Variants in XKR4 observed in about 807,000 individuals in gnomAD.
XKR4 encodes the protein XK-related protein 4.
XKR4 carries 12 observed loss-of-function variants against 53.9 expected under a neutral mutation model. The ratio of observed to expected loss-of-function variants is 0.22; its 90% CI spans 0.14 to 0.36. The LOEUF is 0.36. Among genes scored for constraint, XKR4 ranks in the 10% least tolerant of loss-of-function variants. The probability of loss-of-function intolerance (pLI) is 1.00; values close to 1 mark genes in which losing one functional copy is unlikely to be tolerated. For synonymous variants in XKR4, 354 were observed against 362.4 expected (o/e 0.98, Z 0.26); for missense variants, 799 against 859.5 (o/e 0.93, Z 0.88).
At chr8:55,419,936 G>A (rs754989890) in intron 2 of XKR4, among the ~76,000 whole-genome samples, 10 of 152,114 alleles carry the variant, frequency 6.6e-5, no homozygotes, top group Non-Finnish European at 1.3e-4. Context: ...GATGACAGCT[G>A]GTAACACAAT....
At chr8:55,449,565 C>G in intron 2 of XKR4, 2 of 1,472,922 alleles carry the variant, frequency 1.4e-6, no homozygotes, top group East Asian at 4.5e-5. Flanking sequence ...GCTGAGGGCA[C>G]GTCCTGGGCA....
chr8:55,166,633 G>GAAAAAATAA (rs1817069164), intron 1 of XKR4, among the ~76,000 whole-genome samples: 1 of 152,218 alleles, frequency 6.6e-6, no homozygotes, highest in Non-Finnish European at 1.5e-5. Context: ...GTGGCATGAG[G>GAAAAAATAA]AGTTTTGGGT....
intron 2 of XKR4, among the ~76,000 whole-genome samples, chr8:55,477,862 A>T (rs550502190): frequency 2.6e-5 from 4 of 152,276 alleles, no homozygotes; most frequent in Admixed American, 2.6e-4. Flanking sequence ...AGAAAAAAGA[A>T]TACAAAGAAA....
At chr8:55,313,418 G>A (rs1438027529) in intron 1 of XKR4, among the ~76,000 whole-genome samples, 1 of 152,198 alleles carries the variant, frequency 6.6e-6, no homozygotes, top group Non-Finnish European at 1.5e-5. Context: ...TGGTGCTAGG[G>A]CTTTGGAGGC....
At position 55,327,207 on chromosome 8, in the gene XKR4, T is replaced by A. The variant is rs140644758; in HGVS notation, c.807-30471T>A. On this transcript the variant is annotated intron_variant, in intron 1 of 2. Transcript: ENST00000327381. ...CATAATCATTGTAAACAATTTATAA[T>A]CATTAACATTACCTCACAATTTGGT... Among the ~76,000 whole-genome samples the A allele has an allele frequency of 2.0e-5, 3 of 152,312 alleles. No individual in the cohort carries two copies. In the East Asian group the frequency reaches 5.8e-4, roughly 29 times the overall value.
In XKR4 at chr8:55,102,347, G is replaced by A; in HGVS notation, c.-142G>A. 9.1e-7 allele frequency: 1 copy of A among 1,103,294 alleles called. No individual in the cohort carries two copies. Among genetic ancestry groups the A allele is most frequent in the Non-Finnish European group, 1.1e-6 (1 of 892,782 alleles). 68.3% of individuals were successfully genotyped at this position (1,103,294 alleles called of 1,614,324 possible). ...GGGCGGCGGGCGGCGGCGGACGGCA[G>A]GCGAGCCGACGCAGGAGCAGGAGGA... On this transcript the variant is annotated 5_prime_UTR_variant, in exon 1 of 3. Coordinates refer to ENST00000327381, the MANE Select transcript of XKR4 (RefSeq NM_052898.2). This position sits in a 1 kb window ranked among gnomAD's most constrained non-coding sequence, Gnocchi z 5.1.
intron 1 of XKR4, among the ~76,000 whole-genome samples, chr8:55,278,186 A>G (rs1001940156): frequency 1.3e-5 from 2 of 152,102 alleles, no homozygotes; most frequent in African/African-American, 4.8e-5. Context: ...AATCGAAAAA[A>G]ATTAGCCAGG....
chr8:55,326,326 C>G (rs1043779959), intron 1 of XKR4, among the ~76,000 whole-genome samples: 2 of 152,144 alleles, frequency 1.3e-5, no homozygotes, highest in Non-Finnish European at 2.9e-5. Context: ...TCACAATAAC[C>G]AGGCATGATC....
intron 1 of XKR4, among the ~76,000 whole-genome samples, chr8:55,235,432 T>C (rs1818105690): frequency 6.6e-6 from 1 of 152,210 alleles, no homozygotes; most frequent in Admixed American, 6.5e-5. Flanking sequence ...AATATCTGCC[T>C]CGTAGGTTGT....
chr8:55,240,233 A>C (rs1818190801), intron 1 of XKR4, among the ~76,000 whole-genome samples: 2 of 152,204 alleles, frequency 1.3e-5, no homozygotes, highest in Admixed American at 1.3e-4. Context: ...AAATGCCCCA[A>C]ATAGTAAAAG....
chr8:55,385,198 C>T (rs1204834538), intron 2 of XKR4, among the ~76,000 whole-genome samples: 1 of 152,174 alleles, frequency 6.6e-6, no homozygotes, highest in Non-Finnish European at 1.5e-5. Flanking sequence ...CTATTCCTCT[C>T]AGGCCCTGCC....
intron 2 of XKR4, among the ~76,000 whole-genome samples, chr8:55,385,695 G>A (rs1392649664): frequency 1.3e-5 from 2 of 152,098 alleles, no homozygotes; most frequent in African/African-American, 2.4e-5. Context: ...TGTACATTTT[G>A]GTATATTTGT....
chr8:55,118,876 C>A (rs1468706125), intron 1 of XKR4, among the ~76,000 whole-genome samples: 1 of 151,974 alleles, frequency 6.6e-6, no homozygotes, highest in African/African-American at 2.4e-5. Flanking sequence ...AAGTTCATGG[C>A]ACAAAAATTT....
At position 55,305,629 on chromosome 8, in the gene XKR4, G is replaced by A. The variant is rs561190443; in HGVS notation, c.807-52049G>A. On this transcript the variant is annotated intron_variant, in intron 1 of 2. Transcript: ENST00000327381. Reference sequence around the variant, plus strand: ...TATTAATACTTCACAATGGCAATGAGGATTAAATTTGACATATTTTATAAA... The same window carrying A: ...TATTAATACTTCACAATGGCAATGAAGATTAAATTTGACATATTTTATAAA... 2.9e-4 allele frequency among the ~76,000 whole-genome samples: 44 copies of A among 152,180 alleles called. No individual in the cohort carries two copies. The East Asian group carries it at 8.3e-3, about 29-fold the overall frequency.
At chr8:55,420,201 A>C (rs1393855081) in intron 2 of XKR4, among the ~76,000 whole-genome samples, 2 of 152,208 alleles carry the variant, frequency 1.3e-5, no homozygotes, top group Non-Finnish European at 2.9e-5. Context: ...CCCCAGTGAA[A>C]AGATTGTGCA....
At chr8:55,434,881 C>T (rs1421692075) in intron 2 of XKR4, among the ~76,000 whole-genome samples, 1 of 152,236 alleles carries the variant, frequency 6.6e-6, no homozygotes, top group Non-Finnish European at 1.5e-5. Context: ...GCACACATGG[C>T]CAGCTCTCCC....
In XKR4 at chr8:55,286,210, A is replaced by G. The variant is rs561081240; in HGVS notation, c.807-71468A>G. 9.2e-5 allele frequency among the ~76,000 whole-genome samples: 14 copies of G among 152,320 alleles called. No homozygotes were observed. In the East Asian group the frequency reaches 2.7e-3, roughly 29 times the overall value. On this transcript the variant is annotated intron_variant, in intron 1 of 2. Coordinates refer to ENST00000327381, the MANE Select transcript of XKR4 (RefSeq NM_052898.2). ...AGTGGCTCTGAAAATACAGAGAAAA[A>G]GAATGGAGATCTTCTCAGACATAAT...
intron 1 of XKR4, among the ~76,000 whole-genome samples, chr8:55,260,310 G>C (rs1316081104): frequency 1.3e-5 from 2 of 152,216 alleles, no homozygotes; most frequent in African/African-American, 4.8e-5. Flanking sequence ...TTTCATTTCT[G>C]TTCCATCACC....
intron 2 of XKR4, chr8:55,450,859 G>C (rs1805428452): frequency 4.2e-6 from 2 of 475,594 alleles, no homozygotes; most frequent in Non-Finnish European, 8.0e-6. Flanking sequence ...GGAGGAACTT[G>C]AGTCCAGGAG....
Sources: gnomAD v4.1 joint callset for allele counts (sites outside exome capture counted in the v4.1 genomes callset) on GRCh38, gnomAD v4.1.1 for gene constraint, Gnocchi (gnomAD v3.1) non-coding constraint, MANE v1.5 for transcripts, NCBI Gene and HGNC (gene_info 2026-07-23, HGNC 2026-07-21) for gene names.